FAM83H: variants seen among roughly 807,000 people sequenced by gnomAD.
The protein encoded by FAM83H is scaffolding CK1 anchoring protein H.
A neutral mutation model predicts 30.2 loss-of-function variants in FAM83H; 24 were observed. That is an observed-to-expected ratio of 0.79 (90% CI 0.57 to 1.12). The LOEUF (loss-of-function observed/expected upper bound fraction) is 1.12. Ranked by LOEUF, FAM83H falls within the 50% of genes most tolerant of loss-of-function variation. FAM83H has a pLI of 0.00. For missense variants in FAM83H, 2,038 were observed against 1,773.9 expected (o/e 1.15, Z -2.67); for synonymous variants, 1,013 against 821.7 (o/e 1.23, Z -3.98).
At chr8:143,728,810 A>T in intron 4 of FAM83H, 87 bp from the exon 5 acceptor site, 1 of 1,597,032 alleles carries the variant, frequency 6.3e-7, no homozygotes, top group Non-Finnish European at 8.5e-7. Context: ...CGGAGGACGC[A>T]GGGATGTGAG....
At chr8:143,732,218 C>T in intron 1 of FAM83H, 2 of 985,440 alleles carry the variant, frequency 2.0e-6, no homozygotes, top group Non-Finnish European at 1.2e-6. Context: ...CCTGGTGCCA[C>T]TCAACAGCCC....
chr8:143,732,256 G>A (rs1818548352), intron 1 of FAM83H: 1 of 985,424 alleles, frequency 1.0e-6, no homozygotes, highest in Non-Finnish European at 1.2e-6. Context: ...GGGAGAAGCT[G>A]TCCCAACATT....
intron 1 of FAM83H, chr8:143,731,826 A>G: frequency 1.0e-6 from 1 of 985,432 alleles, no homozygotes; most frequent in Non-Finnish European, 1.2e-6. Context: ...TGTTCTCCAA[A>G]GGGTCCCTGC....
At chr8:143,732,077 C>T in intron 1 of FAM83H, 1 of 985,394 alleles carries the variant, frequency 1.0e-6, no homozygotes, top group Non-Finnish European at 1.2e-6. Flanking sequence ...TGGGCGCTGA[C>T]AGGATGGATG....
chr8:143,727,947 T>C lies in FAM83H; in HGVS notation c.1514A>G (p.His505Arg), dbSNP rs1818368830. 1.9e-5 allele frequency: 30 copies of C among 1,549,938 alleles called. No individual in the cohort carries two copies. Among genetic ancestry groups the C allele is most frequent in the Non-Finnish European group, 2.4e-5 (28 of 1,155,394 alleles). Residue 505 changes from histidine to arginine, a missense_variant, in exon 5 of 5, where the codon CAC (histidine) becomes CGC (arginine). Transcript: ENST00000388913. ...PRFPELGPDGHQRLDYVPSSA... is the reference protein window; with the variant it reads ...PRFPELGPDGRQRLDYVPSSA... Reference sequence around the variant, plus strand: ...GGACGGCACGTAGTCCAGCCGCTGGTGCCCGTCGGGTCCGAGCTCCGGGAA... The same window carrying C: ...GGACGGCACGTAGTCCAGCCGCTGGCGCCCGTCGGGTCCGAGCTCCGGGAA...
At position 143,729,069 on chromosome 8, in the gene FAM83H, G is replaced by A. The variant is rs782388304; in HGVS notation, c.635C>T (p.Ala212Val). Residue 212 changes from alanine to valine, a missense_variant, in exon 4 of 5, where the codon GCG (alanine) becomes GTG (valine). Ala to Val is a moderately conservative substitution (Grantham distance 64). Coordinates refer to ENST00000388913, the MANE Select transcript of FAM83H (RefSeq NM_198488.5). ...AGTGCGGCAGTAGTAGGTGGGGCCC[G>A]CCACAGTCCGTACGCGCAGGAACTG... ...HVDFLRVRTVAGPTYYCRTGK... is the reference protein window; with the variant it reads ...HVDFLRVRTVVGPTYYCRTGK... 8.1e-6 allele frequency: 13 copies of A among 1,613,572 alleles called. No individual in the cohort carries two copies. The East Asian group carries it at 8.9e-5, about 11-fold the overall frequency.
chr8:143,729,389 C>T, intron 2 of FAM83H, 66 bp from the exon 3 acceptor site: 3 of 1,580,908 alleles, frequency 1.9e-6, no homozygotes, highest in African/African-American at 1.3e-5. Context: ...TCCAGCCTCC[C>T]CTCCACACCC....
Position 143,727,832 on chromosome 8 carries a change from G to T in FAM83H, c.1629C>A (p.Asn543Lys), listed in dbSNP as rs1818361585. ...CCTGGCATGGGAAGCGCTGGGTCAGGTTGGGGCGCGGGGCTCCGCTGGGCT... is the reference window on the plus strand; with the variant it reads ...CCTGGCATGGGAAGCGCTGGGTCAGTTTGGGGCGCGGGGCTCCGCTGGGCT... The part of the protein sequence containing the change: ...GLEPSGAPRP[N>K]LTQRFPCQAA... The change falls in exon 5 of 5, where the codon AAC (asparagine) becomes AAA (lysine). Residue 543 changes from asparagine (N) to lysine (K), a missense_variant. By Grantham distance (94) the Asn-to-Lys change is moderately conservative. Transcript: ENST00000388913. 1 of 1,325,150 alleles carries T rather than the reference G, an allele frequency of 7.5e-7. No individual in the cohort carries two copies. Among genetic ancestry groups the T allele is most frequent in the African/African-American group, 1.6e-5 (1 of 64,038 alleles). The allele number at this position is 1,325,150 out of a possible 1,614,324, so 82.1% of individuals were successfully genotyped here. A position where few individuals can be genotyped will look rare whatever the true frequency, so the allele number is the denominator to read the frequency against.
At chr8:143,729,909 C>T (rs1433292459) in intron 2 of FAM83H, among the ~76,000 whole-genome samples, 4 of 152,162 alleles carry the variant, frequency 2.6e-5, no homozygotes, top group Non-Finnish European at 2.9e-5. Context: ...TCCCCAGAGC[C>T]CCCGAGTTTC....
At chr8:143,730,679 G>T in intron 1 of FAM83H, 82 bp from the exon 2 acceptor site, 1 of 1,039,042 alleles carries the variant, frequency 9.6e-7, no homozygotes, top group Non-Finnish European at 1.4e-6. Flanking sequence ...ACTGTGGAAA[G>T]GGCCGTCAGT....
chr8:143,731,856 A>G (rs1818533853), intron 1 of FAM83H: 3 of 985,344 alleles, frequency 3.0e-6, no homozygotes, highest in Non-Finnish European at 3.6e-6. Context: ...GCCTCTCCAG[A>G]AAGGTGTCAG....
Position 143,727,957 on chromosome 8 carries a change from G to A in FAM83H, c.1504C>T (p.Pro502Ser). 3.8e-6 allele frequency: 6 copies of A among 1,559,900 alleles called. No homozygotes were observed. Among genetic ancestry groups the A allele is most frequent in the Non-Finnish European group, 5.2e-6 (6 of 1,160,944 alleles). Residue 502 changes from proline to serine, a missense_variant, in exon 5 of 5, where the codon CCC (proline) becomes TCC (serine). Pro to Ser is a moderately conservative substitution (Grantham distance 74, BLOSUM62 -1). Coordinates refer to ENST00000388913, the MANE Select transcript of FAM83H (RefSeq NM_198488.5). ...TAGTCCAGCCGCTGGTGCCCGTCGG[G>A]TCCGAGCTCCGGGAAGCGGGGCCCG... Reference protein sequence around the residue: ...GAGPRFPELGPDGHQRLDYVP... With the variant: ...GAGPRFPELGSDGHQRLDYVP...
Position 143,725,108 on chromosome 8 carries a change from G to A in FAM83H, c.*813C>T, listed in dbSNP as rs1452498299. On this transcript the variant is annotated 3_prime_UTR_variant, in exon 5 of 5. Transcript: ENST00000388913. ...AGATGCTGGGAGGCAGCGAGCAGGA[G>A]AATCCAAGTAGGAAAGGAAGTGAAG... 8.4e-6 allele frequency: 1 copy of A among 119,650 alleles called. No homozygotes were observed. Among genetic ancestry groups the A allele is most frequent in the Non-Finnish European group, 1.6e-5 (1 of 61,456 alleles). 7.4% of individuals were successfully genotyped at this position (119,650 alleles called of 1,614,324 possible). A position where few individuals can be genotyped will look rare whatever the true frequency, so the allele number is the denominator to read the frequency against.
In FAM83H at chr8:143,727,451, C is replaced by G; in HGVS notation, c.2010G>C (p.Ser670=). ...PGLAKQDSFR[S]RLNPLVQRSS... is the part of the protein sequence containing the mutation. ...TGCGCTGGACCAGGGGGTTCAGGCGCGAGCGGAATGAGTCCTGCTTGGCCA... is the reference window on the plus strand; with the variant it reads ...TGCGCTGGACCAGGGGGTTCAGGCGGGAGCGGAATGAGTCCTGCTTGGCCA... The change falls in exon 5 of 5, where the codon TCG becomes TCC. Residue 670 remains serine (S), a synonymous_variant. Coordinates refer to ENST00000388913, the MANE Select transcript of FAM83H (RefSeq NM_198488.5). 1.9e-6 allele frequency: 3 copies of G among 1,569,988 alleles called. No homozygotes were observed. Among genetic ancestry groups the G allele is most frequent in the Non-Finnish European group, 2.6e-6 (3 of 1,165,436 alleles).
chr8:143,728,767 G>A (rs369501546), intron 4 of FAM83H, 44 bp from the exon 5 acceptor site: 3 of 1,598,326 alleles, frequency 1.9e-6, no homozygotes, highest in African/African-American at 2.7e-5. Flanking sequence ...CTGGAGCGAG[G>A]GCACTGCAGC....
At chr8:143,730,631 G>GTCCCA in intron 1 of FAM83H, 34 bp from the exon 2 acceptor site, 1 of 1,417,936 alleles carries the variant, frequency 7.1e-7, no homozygotes, top group Non-Finnish European at 9.4e-7. Flanking sequence ...ACTAGGGGTG[G>GTCCCA]GGGCACTGGG....
rs576404043 is a variant in FAM83H, at chr8:143,727,235, C to T, written c.2226G>A (p.Lys742=). The T allele has an allele frequency of 4.8e-5, 74 of 1,534,890 alleles. No homozygotes were observed. In the African/African-American group the frequency reaches 7.7e-4, roughly 16 times the overall value. Residue 742 remains lysine (K), a synonymous_variant, in exon 5 of 5, where the codon AAG becomes AAA. Transcript: ENST00000388913. The stretch of plus-strand genomic sequence containing the variant: ...CGCCGCCGGGATCACGGGCTGGGCC[C>T]TTGTACTTCTCCAGCAGCTCCGCCA... ...TKVAELLEKY[K]GPARDPGGGA... is the part of the protein sequence containing the mutation.
Position 143,728,337 on chromosome 8 carries a change from G to A in FAM83H, c.1124C>T (p.Pro375Leu), listed in dbSNP as rs1477595930. The A allele has an allele frequency of 2.1e-5, 30 of 1,458,682 alleles. No homozygotes were observed. The highest frequency in any genetic ancestry group is 2.5e-5 in the Non-Finnish European group (28 of 1,110,810). 90.4% of individuals were successfully genotyped at this position (1,458,682 alleles called of 1,614,324 possible). Residue 375 changes from proline to leucine, a missense_variant, in exon 5 of 5, where the codon CCG (proline) becomes CTG (leucine). Coordinates refer to ENST00000388913, the MANE Select transcript of FAM83H (RefSeq NM_198488.5). Reference sequence around the variant, plus strand: ...CTCGGCCTCCAGGCGCCGCGAGAGCGGCCGCAGCCCCGCGTGCGGTTCCAG... The same window carrying A: ...CTCGGCCTCCAGGCGCCGCGAGAGCAGCCGCAGCCCCGCGTGCGGTTCCAG... ...GALEPHAGLR[P>L]LSRRLEAEAG... is the part of the protein sequence containing the mutation.
In FAM83H at chr8:143,727,992, G is replaced by A. The variant is rs782767148; in HGVS notation, c.1469C>T (p.Thr490Ile). 6.9e-6 allele frequency: 11 copies of A among 1,589,116 alleles called. No individual in the cohort carries two copies. Among genetic ancestry groups the A allele is most frequent in the Admixed American group, 5.2e-5 (3 of 57,298 alleles). ...CGGGAAGCGGGGCCCGGCGCCCAGGGTGAAGTCATCCGGGTCCGCGAAACC... is the reference window on the plus strand; with the variant it reads ...CGGGAAGCGGGGCCCGGCGCCCAGGATGAAGTCATCCGGGTCCGCGAAACC... ...RAGFADPDDF[T>I]LGAGPRFPEL... The change falls in exon 5 of 5, where the codon ACC (threonine) becomes ATC (isoleucine). Residue 490 changes from threonine to isoleucine, a missense_variant. Transcript: ENST00000388913.
Sources: gnomAD v4.1 joint callset for allele counts (sites outside exome capture counted in the v4.1 genomes callset) on GRCh38, gnomAD v4.1.1 for gene constraint, MANE v1.5 for transcripts, NCBI Gene and HGNC (gene_info 2026-07-23, HGNC 2026-07-21) for gene names.